Variants in PRKN observed in about 807,000 individuals in gnomAD.
PRKN encodes the protein parkin RBR E3 ubiquitin protein ligase.
A neutral mutation model predicts 59.5 loss-of-function variants in PRKN; 56 were observed. That is an observed-to-expected ratio of 0.94 (90% confidence interval 0.76 to 1.18). The LOEUF (loss-of-function observed/expected upper bound fraction) is 1.18. PRKN is among the 50% of genes most tolerant of loss of function. The probability of loss-of-function intolerance (pLI) is 0.00; values close to 1 mark genes in which losing one functional copy is unlikely to be tolerated. For missense variants in PRKN, 657 were observed against 596.4 expected, an observed-to-expected ratio of 1.10 and a Z score of -1.06; for synonymous variants, 250 against 222.1, an observed-to-expected ratio of 1.13 and a Z score of -1.12.
chr6:161,881,091 A>G (rs1328092759), intron 6 of PRKN, among the ~76,000 whole-genome samples: 1 of 152,208 alleles, frequency 6.6e-6, no homozygotes, highest in Non-Finnish European at 1.5e-5. Flanking sequence ...GGGCCTCACC[A>G]ATGCCTCTGC....
intron 6 of PRKN, among the ~76,000 whole-genome samples, chr6:161,897,894 G>C (rs960772815): frequency 3.5e-5 from 5 of 141,912 alleles, no homozygotes; most frequent in Admixed American, 2.9e-4. Context: ...GTGAACCCGG[G>C]AGGCGGAGCT....
chr6:161,556,006 T>C (rs1421849393), intron 8 of PRKN, among the ~76,000 whole-genome samples: 1 of 152,150 alleles, frequency 6.6e-6, no homozygotes, highest in African/African-American at 2.4e-5. Flanking sequence ...TCTATTTAAT[T>C]TAGTTAGGTA....
chr6:162,716,293 C>T (rs1227280071), intron 1 of PRKN, among the ~76,000 whole-genome samples: 1 of 152,088 alleles, frequency 6.6e-6, no homozygotes, highest in African/African-American at 2.4e-5. Flanking sequence ...CTCAAGAAAC[C>T]AAATTCTATG....
chr6:161,797,387 C>CCCCT (rs1436231152), intron 6 of PRKN, among the ~76,000 whole-genome samples: 1 of 152,114 alleles, frequency 6.6e-6, no homozygotes, highest in Non-Finnish European at 1.5e-5. Flanking sequence ...GTGCCTCAGC[C>CCCCT]CCCTACGTAG....
At chr6:162,212,976 G>A (rs1777454825) in intron 3 of PRKN, among the ~76,000 whole-genome samples, 1 of 152,130 alleles carries the variant, frequency 6.6e-6, no homozygotes, top group Non-Finnish European at 1.5e-5. Flanking sequence ...AAAATCTTAT[G>A]GGGCCATTGT....
At chr6:161,920,510 G>A (rs751430171) in intron 6 of PRKN, among the ~76,000 whole-genome samples, 20 of 152,110 alleles carry the variant, frequency 1.3e-4, no homozygotes, top group African/African-American at 4.8e-4. Context: ...GTACCCCTGG[G>A]CCGGGCGCAG....
intron 2 of PRKN, among the ~76,000 whole-genome samples, chr6:162,276,183 G>A (rs1780631389): frequency 6.6e-6 from 1 of 152,102 alleles, no homozygotes. Flanking sequence ...TTCAAACCGA[G>A]GAGTAGAGGG....
In PRKN at chr6:161,442,751, C is replaced by G. The variant is rs540227163; in HGVS notation, c.1084-55874G>C. On this transcript the variant is annotated intron_variant, in intron 9 of 11. Coordinates refer to ENST00000366898, the MANE Select transcript of PRKN (RefSeq NM_004562.3). This position sits in a 1 kb window ranked among gnomAD's most constrained non-coding sequence, Gnocchi z 4.6. ...TTCAACGAAGTTGCTAGAATGCAGC[C>G]GTGGAGACGAACAGCTTACCGAGAG... Among the ~76,000 whole-genome samples the G allele has an allele frequency of 3.9e-5, 6 of 152,312 alleles. No individual in the cohort carries two copies. The South Asian group carries it at 1.2e-3, about 32-fold the overall frequency.
intron 6 of PRKN, among the ~76,000 whole-genome samples, chr6:161,851,825 G>A (rs574878752): frequency 5.9e-5 from 9 of 151,538 alleles, no homozygotes; most frequent in South Asian, 2.1e-4. Context: ...AGTGGCTCAC[G>A]CCTGTAATCC....
chr6:161,636,173 G>A (rs879556249), intron 7 of PRKN, among the ~76,000 whole-genome samples: 2 of 152,248 alleles, frequency 1.3e-5, no homozygotes, highest in African/African-American at 2.4e-5. Flanking sequence ...GTGATGTGCT[G>A]GGCACATGAC....
intron 7 of PRKN, among the ~76,000 whole-genome samples, chr6:161,680,761 ATATATATATATATATTTTTTT>A (rs1242144192): frequency 3.1e-3 from 31 of 9,876 alleles, no homozygotes; most frequent in Non-Finnish European, 5.2e-3. Flanking sequence ...ATATATATAT[ATATATATATATATATTTTTTT>A]TTTTTTTTCT....
At chr6:162,114,785 C>T (rs1780594720) in intron 4 of PRKN, among the ~76,000 whole-genome samples, 1 of 151,760 alleles carries the variant, frequency 6.6e-6, no homozygotes, top group African/African-American at 2.4e-5. Context: ...CAAATCAAAA[C>T]CACAATGAGA....
chr6:161,494,958 G>A (rs759486450), intron 9 of PRKN, among the ~76,000 whole-genome samples: 29 of 152,244 alleles, frequency 1.9e-4, no homozygotes, highest in South Asian at 4.1e-4. Context: ...ACCGTTAAAC[G>A]ATTCTAGAGT....
intron 6 of PRKN, among the ~76,000 whole-genome samples, chr6:161,814,840 C>G (rs902685594): frequency 6.6e-6 from 1 of 152,092 alleles, no homozygotes; most frequent in Non-Finnish European, 1.5e-5. Context: ...TCTCATGAAA[C>G]TTATTCATTA....
chr6:162,196,128 G>T (rs1784486254), intron 4 of PRKN, among the ~76,000 whole-genome samples: 1 of 152,158 alleles, frequency 6.6e-6, no homozygotes, highest in Non-Finnish European at 1.5e-5. Context: ...TAGTAGCAAG[G>T]GACAGGACTC....
At position 161,499,683 on chromosome 6, in the gene PRKN, C is replaced by T. The variant is rs1777884596; in HGVS notation, c.1083+49171G>A. Among the ~76,000 whole-genome samples the T allele has an allele frequency of 6.6e-6, 1 of 152,146 alleles. No homozygotes were observed. The highest frequency in any genetic ancestry group is 1.5e-5 in the Non-Finnish European group (1 of 68,040). On this transcript the variant is annotated intron_variant, in intron 9 of 11. Transcript: ENST00000366898. The surrounding 1 kb of genome is among the most constrained non-coding windows in gnomAD (Gnocchi z 4.2). ...AGGTGGTGGTGGTTTCTGCATTTTC[C>T]ATAAGTAACCCTTTCCCTTGACAAT...
At chr6:161,701,287 A>G (rs1229759590) in intron 7 of PRKN, among the ~76,000 whole-genome samples, 2 of 152,188 alleles carry the variant, frequency 1.3e-5, no homozygotes, top group Non-Finnish European at 2.9e-5. Context: ...CACAGTTTCC[A>G]TTGTGTGTGA....
chr6:161,698,733 A>C (rs1026934838), intron 7 of PRKN, among the ~76,000 whole-genome samples: 1 of 152,194 alleles, frequency 6.6e-6, no homozygotes, highest in Admixed American at 6.5e-5. Flanking sequence ...ATATTTAACA[A>C]GTAATGCTAA....
rs1258749843 is a variant in PRKN, at chr6:161,347,503, C to T, written c.*2596G>A. 1 of 152,084 alleles carries T rather than the reference C, an allele frequency of 6.6e-6. No individual in the cohort carries two copies. Among genetic ancestry groups the T allele is most frequent in the Non-Finnish European group, 1.5e-5 (1 of 68,024 alleles). The allele number at this position is 152,084 out of a possible 1,614,324, so 9.4% of individuals were successfully genotyped here. On this transcript the variant is annotated 3_prime_UTR_variant, in exon 12 of 12. Coordinates refer to ENST00000366898, the MANE Select transcript of PRKN (RefSeq NM_004562.3). ...CACTTCAGAGAAAAACAGACTTTTT[C>T]TGCAAAGACTTTATTTCTATTTTTT...
Sources: allele counts gnomAD v4.1 joint callset (sites outside exome capture counted in the v4.1 genomes callset), GRCh38; gene constraint gnomAD v4.1.1; non-coding constraint Gnocchi (gnomAD v3.1); transcripts MANE v1.5; gene names NCBI Gene and HGNC (gene_info 2026-07-23, HGNC 2026-07-21).